Variants in ETV1 observed in about 807,000 individuals in gnomAD.
ETV1 encodes ETS variant transcription factor 1.
Under a neutral mutation model 62.3 loss-of-function variants are expected in ETV1, and 27 were observed. The ratio of observed to expected loss-of-function variants is 0.43; its 90% CI spans 0.32 to 0.60. The LOEUF (loss-of-function observed/expected upper bound fraction) is 0.60. Among genes scored for constraint, ETV1 ranks in the 20% least tolerant of loss-of-function variants. ETV1 has a pLI of 0.06. For missense variants in ETV1, 605 were observed against 605.8 expected (o/e 1.00, Z 0.01); for synonymous variants, 222 against 199.6 (o/e 1.11, Z -0.94).
chr7:13,955,805 G>A (rs932050103), intron 6 of ETV1, among the ~76,000 whole-genome samples: 4 of 152,104 alleles, frequency 2.6e-5, no homozygotes, highest in African/African-American at 9.7e-5. Context: ...AGCATATTAT[G>A]AGTAATTTTT....
intron 3 of ETV1, chr7:13,988,414 C>A (rs1023200073): frequency 8.6e-6 from 5 of 579,930 alleles, no homozygotes; most frequent in Non-Finnish European, 1.2e-5. Context: ...TAGCACATTA[C>A]TATTTATCAA....
intron 9 of ETV1, among the ~76,000 whole-genome samples, chr7:13,914,960 T>G (rs1158745249): frequency 6.6e-6 from 1 of 152,192 alleles, no homozygotes; most frequent in Admixed American, 6.5e-5. Context: ...AATCTGGAAT[T>G]ATAACATATT....
At position 13,935,521 on chromosome 7, in the gene ETV1, T is replaced by C. The variant is rs1786701137; in HGVS notation, c.554+187A>G. On this transcript the variant is annotated intron_variant, in intron 8 of 13. Transcript: ENST00000430479. ...AATTTAAATGTTTATAAAAGGAATGTTTATAAATGACTTTCTCCACAAATT... is the reference window on the plus strand; with the variant it reads ...AATTTAAATGTTTATAAAAGGAATGCTTATAAATGACTTTCTCCACAAATT... 2.0e-5 allele frequency among the ~76,000 whole-genome samples: 3 copies of C among 152,226 alleles called. No homozygotes were observed. In the South Asian group the frequency reaches 6.2e-4, roughly 32 times the overall value.
intron 6 of ETV1, among the ~76,000 whole-genome samples, chr7:13,954,429 C>A (rs1413402662): frequency 6.6e-6 from 1 of 152,152 alleles, no homozygotes; most frequent in Non-Finnish European, 1.5e-5. Flanking sequence ...GACTAAAACT[C>A]CACATCTATA....
intron 12 of ETV1, among the ~76,000 whole-genome samples, chr7:13,902,352 C>T (rs1380458344): frequency 6.6e-6 from 1 of 151,786 alleles, no homozygotes. Context: ...AAATAAAGTA[C>T]TTTAATGACA....
At chr7:13,927,314 T>C (rs1022454490) in intron 9 of ETV1, among the ~76,000 whole-genome samples, 56 of 152,004 alleles carry the variant, frequency 3.7e-4, no homozygotes, top group African/African-American at 1.2e-3. Flanking sequence ...CAGCTGGACA[T>C]GGTGGCACAC....
At chr7:13,950,049 T>A (rs61418435) in intron 6 of ETV1, among the ~76,000 whole-genome samples, 12,283 of 152,184 alleles carry the variant, frequency 0.081, 819 homozygotes, top group African/African-American at 0.18. Context: ...CTCTCATCCC[T>A]TTTTAGGAAC....
chr7:13,909,306 A>G (rs1367213082), intron 11 of ETV1, among the ~76,000 whole-genome samples: 1 of 152,176 alleles, frequency 6.6e-6, no homozygotes, highest in Non-Finnish European at 1.5e-5. Context: ...TTACAGGATC[A>G]GCTTTCAATA....
intron 9 of ETV1, among the ~76,000 whole-genome samples, chr7:13,925,857 G>A (rs1048619429): frequency 5.9e-5 from 9 of 151,618 alleles, no homozygotes; most frequent in South Asian, 4.2e-4. Flanking sequence ...CGCCTGGCCC[G>A]ACTGATTTTT....
At chr7:13,991,220 A>G (rs146749083), upstream of ETV1, 959 of 152,406 alleles carry the variant, frequency 6.3e-3, 10 homozygotes, top group African/African-American at 0.022. Context: ...GCTCATGGGT[A>G]CTATCTGAGG....
intron 6 of ETV1, among the ~76,000 whole-genome samples, chr7:13,973,385 C>G (rs1372301322): frequency 6.6e-6 from 1 of 152,112 alleles, no homozygotes; most frequent in Non-Finnish European, 1.5e-5. Flanking sequence ...CCCTCTGCCC[C>G]CACTAAGCAT....
intron 11 of ETV1, among the ~76,000 whole-genome samples, chr7:13,909,129 C>A (rs1230617829): frequency 1.8e-5 from 2 of 113,294 alleles, no homozygotes; most frequent in African/African-American, 6.7e-5. Flanking sequence ...CATACATCTT[C>A]CCCAGTTAAA....
Position 13,894,241 on chromosome 7 carries a change from C to G in ETV1, c.*1625G>C, listed in dbSNP as rs1029301375. 2 of 230,256 alleles carry G rather than the reference C, an allele frequency of 8.7e-6. No homozygotes were observed. Among genetic ancestry groups the G allele is most frequent in the Admixed American group, 5.7e-5 (1 of 17,536 alleles). The allele number at this position is 230,256 out of a possible 1,614,324, so 14.3% of individuals were successfully genotyped here. A position where few individuals can be genotyped will look rare whatever the true frequency, so the allele number is the denominator to read the frequency against. ...TTGATAGATGGAACAAAATTCATGT[C>G]CCTTGCTTGAATCTTTTAGCGAGCT... On this transcript the variant is annotated 3_prime_UTR_variant, in exon 14 of 14. Coordinates refer to ENST00000430479, the MANE Select transcript of ETV1 (RefSeq NM_004956.5).
intron 9 of ETV1, among the ~76,000 whole-genome samples, chr7:13,926,988 T>C (rs1785498804): frequency 6.6e-6 from 1 of 152,216 alleles, no homozygotes; most frequent in Non-Finnish European, 1.5e-5. Context: ...CATGTCATAA[T>C]TAATGTCAGG....
intron 9 of ETV1, among the ~76,000 whole-genome samples, chr7:13,924,889 G>A (rs1406822728): frequency 1.3e-5 from 2 of 152,042 alleles, no homozygotes; most frequent in East Asian, 1.9e-4. Flanking sequence ...ATTTATTTGT[G>A]TCAACTTCCC....
chr7:13,902,520 G>A (rs1035135949), intron 12 of ETV1, among the ~76,000 whole-genome samples: 9 of 148,820 alleles, frequency 6.0e-5, no homozygotes, highest in African/African-American at 1.8e-4. Flanking sequence ...TGAAGCGGGG[G>A]TGGGGGCGCT....
At chr7:13,956,883 A>T (rs1789527155) in intron 6 of ETV1, among the ~76,000 whole-genome samples, 1 of 152,080 alleles carries the variant, frequency 6.6e-6, no homozygotes, top group African/African-American at 2.4e-5. Flanking sequence ...ATTTCTGTGG[A>T]TTAATAAAAT....
intron 9 of ETV1, among the ~76,000 whole-genome samples, chr7:13,924,514 G>A (rs1013317632): frequency 1.3e-5 from 2 of 152,116 alleles, no homozygotes; most frequent in African/African-American, 4.8e-5. Flanking sequence ...CTAACATTTA[G>A]AGTAAAATGT....
chr7:13,972,956 T>A (rs972024404), intron 6 of ETV1, among the ~76,000 whole-genome samples: 5 of 152,160 alleles, frequency 3.3e-5, no homozygotes, highest in African/African-American at 1.2e-4. Flanking sequence ...AAAGTTAGCA[T>A]CCTTCAAAGG....
Sources: allele counts gnomAD v4.1 joint callset (sites outside exome capture counted in the v4.1 genomes callset), GRCh38; gene constraint gnomAD v4.1.1; transcripts MANE v1.5; gene names NCBI Gene and HGNC (gene_info 2026-07-23, HGNC 2026-07-21).